GAB4: variants seen among roughly 807,000 people sequenced by gnomAD.
GAB4 encodes GRB2-associated-binding protein 4.
In GAB4, 26 loss-of-function variants were observed where a neutral mutation model predicts 51.3. The ratio of observed to expected loss-of-function variants is 0.51; its 90% CI spans 0.37 to 0.70. The LOEUF (loss-of-function observed/expected upper bound fraction) is 0.70. Ranked by LOEUF, GAB4 falls within the 30% of genes least tolerant of loss-of-function variation. GAB4 has a pLI of 0.00. For missense variants in GAB4, 759 were observed against 734.6 expected, an observed-to-expected ratio of 1.03 and a Z score of -0.38; for synonymous variants, 329 against 291.2, an observed-to-expected ratio of 1.13 and a Z score of -1.32.
chr22:16,981,217 T>C (rs2060824856), intron 3 of GAB4, among the ~76,000 whole-genome samples: 1 of 150,412 alleles, frequency 6.6e-6, no homozygotes, highest in South Asian at 2.1e-4. Context: ...AACTAAATGA[T>C]GCCCCTTAAA....
Position 16,962,642 on chromosome 22 carries a change from G to T in GAB4, c.*91C>A. 1 of 1,217,888 alleles carries T rather than the reference G, an allele frequency of 8.2e-7. No individual in the cohort carries two copies. Among genetic ancestry groups the T allele is most frequent in the South Asian group, 1.5e-5 (1 of 66,202 alleles). 75.4% of individuals were successfully genotyped at this position (1,217,888 alleles called of 1,614,324 possible). Reference sequence around the variant, plus strand: ...ATCAGGCCTCTGCTCTCTATGTAAGGGATGCGGTCCCTGATATTACAGAGC... The same window carrying T: ...ATCAGGCCTCTGCTCTCTATGTAAGTGATGCGGTCCCTGATATTACAGAGC... On this transcript the variant is annotated 3_prime_UTR_variant, in exon 10 of 10. Coordinates refer to ENST00000400588, the MANE Select transcript of GAB4 (RefSeq NM_001037814.1).
intron 3 of GAB4, among the ~76,000 whole-genome samples, chr22:16,971,554 A>G (rs2060732362): frequency 6.6e-6 from 1 of 152,194 alleles, no homozygotes; most frequent in African/African-American, 2.4e-5. Context: ...TGGGGAAAAA[A>G]GTAAGACTGG....
chr22:16,969,428 A>G (rs1316521642), intron 4 of GAB4, among the ~76,000 whole-genome samples: 4 of 152,214 alleles, frequency 2.6e-5, no homozygotes, highest in Non-Finnish European at 4.4e-5. Context: ...CTGGGTGTCT[A>G]TTAACAGCCT....
intron 1 of GAB4, among the ~76,000 whole-genome samples, chr22:17,005,982 C>T (rs1007720563): frequency 1.5e-4 from 23 of 152,168 alleles, no homozygotes; most frequent in African/African-American, 5.1e-4. Flanking sequence ...ATAACTAAAA[C>T]ATGAAAAGCA....
chr22:16,969,983 G>A lies in GAB4; in HGVS notation c.897C>T (p.His299=). Residue 299 remains histidine, a synonymous_variant, in exon 4 of 10, where the codon CAC becomes CAT. Coordinates refer to ENST00000400588, the MANE Select transcript of GAB4 (RefSeq NM_001037814.1). ...CAGAGCCTGTGAGGCTGCCTCTGGT[G>A]TGGCCATGGGAGGCCAGGCTCCAGG... ...RIPWSLASHG[H]TRGSLTGSEA... is the part of the protein sequence containing the mutation. The A allele has an allele frequency of 6.2e-7, 1 of 1,614,190 alleles. No individual in the cohort carries two copies. Among genetic ancestry groups the A allele is most frequent in the Non-Finnish European group, 8.5e-7 (1 of 1,180,018 alleles).
At position 17,008,104 on chromosome 22, in the gene GAB4, G is replaced by C. The variant is rs1601298878; in HGVS notation, c.11C>G (p.Pro4Arg). The C allele has an allele frequency of 1.2e-6, 2 of 1,604,476 alleles. No homozygotes were observed. Among genetic ancestry groups the C allele is most frequent in the Non-Finnish European group, 1.7e-6 (2 of 1,175,158 alleles). Residue 4 changes from proline (P) to arginine (R), a missense_variant, in exon 1 of 10, where the codon CCG (proline) becomes CGG (arginine). Pro to Arg is a moderately radical substitution (Grantham distance 103). Around this residue, in one of 3 missense-constraint regions of GAB4, gnomAD observed 83 missense variants for 73.1 expected, o/e 1.14. Coordinates refer to ENST00000400588, the MANE Select transcript of GAB4 (RefSeq NM_001037814.1). ...CAGCTCCCGGGAGGGTGAGGGGGACGGCAGGGACATGGGGGCTGCAGCTCA... is the reference window on the plus strand; with the variant it reads ...CAGCTCCCGGGAGGGTGAGGGGGACCGCAGGGACATGGGGGCTGCAGCTCA... Reference protein sequence around the residue: MSLPSPSPSRELCP... With the variant: MSLRSPSPSRELCP...
At chr22:16,964,931 C>G in intron 7 of GAB4, 69 bp from the exon 8 acceptor site, 1 of 1,180,238 alleles carries the variant, frequency 8.5e-7, no homozygotes, top group Non-Finnish European at 1.2e-6. Flanking sequence ...GCTCCAGCCT[C>G]CAGCTGGGCC....
intron 3 of GAB4, among the ~76,000 whole-genome samples, chr22:16,976,158 G>A (rs2060776236): frequency 6.6e-6 from 1 of 152,246 alleles, no homozygotes; most frequent in Admixed American, 6.5e-5. Context: ...GAACAAAACT[G>A]CACAGAGAAT....
chr22:16,970,308 G>C, intron 3 of GAB4, 115 bp from the exon 4 acceptor site: 1 of 1,203,220 alleles, frequency 8.3e-7, no homozygotes, highest in Non-Finnish European at 1.2e-6. Flanking sequence ...AGAAAACACA[G>C]GAAGAGGAAT....
intron 5 of GAB4, chr22:16,967,198 G>T: frequency 6.6e-6 from 1 of 152,246 alleles, no homozygotes; most frequent in Non-Finnish European, 1.5e-5. Context: ...GGCAGCACAG[G>T]CCGTGCACCA....
At chr22:16,995,777 G>T (rs1404829212) in intron 1 of GAB4, among the ~76,000 whole-genome samples, 9 of 152,094 alleles carry the variant, frequency 5.9e-5, no homozygotes, top group Non-Finnish European at 1.3e-4. Context: ...CAACAAAAAG[G>T]ACACCCACGC....
chr22:16,962,909 GTGTC>G, intron 9 of GAB4, 33 bp from the exon 10 acceptor site: 4 of 1,592,294 alleles, frequency 2.5e-6, no homozygotes, highest in Non-Finnish European at 3.4e-6. Flanking sequence ...GGGAGTGGCA[GTGTC>G]TGTGAGTTCC....
chr22:16,962,063 T>C lies in GAB4; in HGVS notation c.*670A>G, dbSNP rs1157257087. 6.6e-6 allele frequency: 1 copy of C among 152,364 alleles called. No individual in the cohort carries two copies. The highest frequency in any genetic ancestry group is 1.5e-5 in the Non-Finnish European group (1 of 68,096). The allele number at this position is 152,364 out of a possible 1,614,324, so 9.4% of individuals were successfully genotyped here. On this transcript the variant is annotated 3_prime_UTR_variant, in exon 10 of 10. Coordinates refer to ENST00000400588, the MANE Select transcript of GAB4 (RefSeq NM_001037814.1). ...CTGACCCTGGTCCTTGTCACCCCAG[T>C]CTCTGGAGCTCCAGCCCTGCTTCTT... is the stretch of plus-strand genomic sequence containing the variant.
chr22:16,988,768 T>C (rs1002840642), intron 2 of GAB4, among the ~76,000 whole-genome samples: 3 of 152,182 alleles, frequency 2.0e-5, no homozygotes, highest in Non-Finnish European at 4.4e-5. Flanking sequence ...TACGAGGCCT[T>C]TCACAGTCTG....
chr22:17,005,084 T>C (rs1230094169), intron 1 of GAB4, among the ~76,000 whole-genome samples: 2 of 152,168 alleles, frequency 1.3e-5, no homozygotes, highest in Admixed American at 6.5e-5. Context: ...GATGACATGA[T>C]TGTATATTTA....
rs768758031 is a variant in GAB4, at chr22:16,991,864, C to T, written c.478+9G>A. 2 of 1,603,766 alleles carry T rather than the reference C, an allele frequency of 1.2e-6. No homozygotes were observed. The highest frequency in any genetic ancestry group is 8.5e-7 in the Non-Finnish European group (1 of 1,173,694). On this transcript the variant is annotated intron_variant, in intron 2 of 9. Coordinates refer to ENST00000400588, the MANE Select transcript of GAB4 (RefSeq NM_001037814.1). ...CCCTCCTGAGACAGGGCTGTGTGTGCTCCCATACCTGTGCTTTCCTCCTGC... is the reference window on the plus strand; with the variant it reads ...CCCTCCTGAGACAGGGCTGTGTGTGTTCCCATACCTGTGCTTTCCTCCTGC...
chr22:16,996,875 T>C (rs946995709), intron 1 of GAB4, among the ~76,000 whole-genome samples: 12 of 140,562 alleles, frequency 8.5e-5, no homozygotes, highest in African/African-American at 2.7e-4. Flanking sequence ...AGTGTTCTCA[T>C]TGTTCAATTC....
At chr22:16,968,224 T>A in intron 5 of GAB4, 74 bp downstream of exon 5, 2 of 1,020,366 alleles carry the variant, frequency 2.0e-6, no homozygotes, top group East Asian at 2.4e-5. Context: ...TTGGGGGATG[T>A]GCTTTTAGTT....
At chr22:16,966,531 A>T (rs2060677110) in intron 5 of GAB4, 167 bp from the exon 6 acceptor site, 5 of 702,104 alleles carry the variant, frequency 7.1e-6, no homozygotes, top group Non-Finnish European at 1.2e-5. Flanking sequence ...CGGCCCAGAT[A>T]GAAGTGCCCC....
Sources: gnomAD v4.1 joint callset for allele counts (sites outside exome capture counted in the v4.1 genomes callset) on GRCh38, gnomAD v4.1.1 for gene constraint, gnomAD v4.1.1 regional missense constraint, MANE v1.5 for transcripts, NCBI Gene and HGNC (gene_info 2026-07-23, HGNC 2026-07-21) for gene names.